Variants in WAPL observed in about 807,000 individuals in gnomAD.
WAPL encodes the protein WAPL cohesin release factor.
WAPL carries 5 observed loss-of-function variants against 121.0 expected under a neutral mutation model. The observed-to-expected ratio is 0.04, with a 90% confidence interval of 0.02 to 0.09. The LOEUF is 0.09. Ranked by LOEUF, WAPL falls within the 10% of genes least tolerant of loss-of-function variation. The pLI is 1.00. For synonymous variants in WAPL, 480 were observed against 481.5 expected (o/e 1.00, Z 0.04); for missense variants, 999 against 1,410.8 (o/e 0.71, Z 4.68).
intron 12 of WAPL, among the ~76,000 whole-genome samples, chr10:86,458,562 T>G (rs146763392): frequency 4.6e-5 from 7 of 152,354 alleles, no homozygotes; most frequent in Admixed American, 4.6e-4. Context: ...CATTAATATG[T>G]ATCACAAATG....
At chr10:86,518,941 C>T (rs1842614067) in intron 1 of WAPL, among the ~76,000 whole-genome samples, 1 of 152,168 alleles carries the variant, frequency 6.6e-6, no homozygotes, top group African/African-American at 2.4e-5. Flanking sequence ...GGGAAAGAAA[C>T]TATCCTTATC....
At chr10:86,512,831 T>C (rs1842491285) in intron 2 of WAPL, among the ~76,000 whole-genome samples, 1 of 150,602 alleles carries the variant, frequency 6.6e-6, no homozygotes, top group Non-Finnish European at 1.5e-5. Flanking sequence ...CTATTGGAGG[T>C]GGACAATCAA....
intron 12 of WAPL, among the ~76,000 whole-genome samples, chr10:86,456,664 T>C (rs1358021492): frequency 2.0e-5 from 3 of 152,354 alleles, no homozygotes; most frequent in Admixed American, 6.5e-5. Flanking sequence ...AAGTTCTTAA[T>C]ATTTTACAAC....
rs1849299627 is a variant in WAPL at position 86,435,611 on chromosome 10, A to C, written c.*1932T>G. ...TCTCCCCCACCACCTCCCCCCACCAAAATCTGCATCTCTATCAGTGCTCGA... is the reference window on the plus strand; with the variant it reads ...TCTCCCCCACCACCTCCCCCCACCACAATCTGCATCTCTATCAGTGCTCGA... On this transcript the variant is annotated 3_prime_UTR_variant, in exon 19 of 19. Transcript: ENST00000298767. The C allele has an allele frequency of 6.6e-6, 1 of 152,438 alleles. No homozygotes were observed. The highest frequency in any genetic ancestry group is 1.5e-5 in the Non-Finnish European group (1 of 67,998). The allele number at this position is 152,438 out of a possible 1,614,324, so 9.4% of individuals were successfully genotyped here.
chr10:86,461,970 G>T (rs1453648669), intron 9 of WAPL, among the ~76,000 whole-genome samples: 1 of 152,102 alleles, frequency 6.6e-6, no homozygotes, highest in East Asian at 1.9e-4. Flanking sequence ...CATACTGCGG[G>T]CTTAGCAGCT....
In WAPL at chr10:86,436,340, T is replaced by C. The variant is rs1194792478; in HGVS notation, c.*1203A>G. 1 of 151,870 alleles carries C rather than the reference T, an allele frequency of 6.6e-6. No individual in the cohort carries two copies. The highest frequency in any genetic ancestry group is 2.4e-5 in the African/African-American group (1 of 41,208). The allele number at this position is 151,870 out of a possible 1,614,324, so 9.4% of individuals were successfully genotyped here. ...CCTGAAAGGTATTTAAAAGTATTAA[T>C]GAAAAAGATCTCTAGAAAGCCTGTA... On this transcript the variant is annotated 3_prime_UTR_variant, in exon 19 of 19. Coordinates refer to ENST00000298767, the MANE Select transcript of WAPL (RefSeq NM_015045.5).
At chr10:86,513,725 A>G (rs1842508478) in intron 2 of WAPL, among the ~76,000 whole-genome samples, 1 of 152,240 alleles carries the variant, frequency 6.6e-6, no homozygotes, top group East Asian at 1.9e-4. Context: ...TTAAAAACGT[A>G]ATGCCAGGAC....
chr10:86,479,699 C>T (rs1481118791), intron 4 of WAPL, among the ~76,000 whole-genome samples: 1 of 152,212 alleles, frequency 6.6e-6, no homozygotes, highest in African/African-American at 2.4e-5. Flanking sequence ...AAGGATATCA[C>T]CAGTAATTCA....
At chr10:86,452,267 T>A in intron 14 of WAPL, 136 bp from the exon 15 acceptor site, 5 of 700,394 alleles carry the variant, frequency 7.1e-6, no homozygotes, top group South Asian at 7.2e-5. Flanking sequence ...TAAAAACCAG[T>A]ATGAAAGGCC....
chr10:86,509,561 T>C (rs1842415580), intron 2 of WAPL, among the ~76,000 whole-genome samples: 1 of 152,192 alleles, frequency 6.6e-6, no homozygotes, highest in African/African-American at 2.4e-5. Context: ...TCTTCCCCAG[T>C]ACAATGCGAG....
chr10:86,488,503 C>T (rs1841973659), intron 4 of WAPL: 1 of 152,150 alleles, frequency 6.6e-6, no homozygotes, highest in Admixed American at 6.5e-5. Flanking sequence ...TTAGCATGAC[C>T]CCTGCACAAG....
At position 86,461,343 on chromosome 10, in the gene WAPL, T is replaced by C. The variant is rs74885188; in HGVS notation, c.2371-56A>G. The C allele has an allele frequency of 5.4e-4, 766 of 1,406,644 alleles. 5 individuals carry two copies. In the East Asian group the frequency reaches 5.8e-3, roughly 11 times the overall value. The allele number at this position is 1,406,644 out of a possible 1,614,324, so 87.1% of individuals were successfully genotyped here. On this transcript the variant is annotated intron_variant, in intron 9 of 18. Transcript: ENST00000298767. ...CAACTTTTAGCAATAACTCTAGAAA[T>C]TGTTTCTCTTTACAAAAATTTACTG...
At position 86,453,700 on chromosome 10, in the gene WAPL, A is replaced by G. The variant is rs531745140; in HGVS notation, c.2789T>C (p.Met930Thr). The stretch of plus-strand genomic sequence containing the variant: ...AAGCAACACCCCGATGATGGCCCTC[A>G]TGCAGTCCTCCACTGCTTTGCCTAC... ...NHVGKAVEDC[M>T]RAIIGVLLNL... The change falls in exon 13 of 19, where the codon ATG becomes ACG. Residue 930 changes from methionine to threonine, a missense_variant. By Grantham distance (81) the Met-to-Thr change is moderately conservative. Around this residue, in one of 7 missense-constraint regions of WAPL, gnomAD observed 85 missense variants for 133.5 expected, o/e 0.64. Transcript: ENST00000298767. 3.7e-6 allele frequency: 6 copies of G among 1,612,052 alleles called. No homozygotes were observed. Among genetic ancestry groups the G allele is most frequent in the Non-Finnish European group, 5.1e-6 (6 of 1,179,566 alleles).
intron 17 of WAPL, among the ~76,000 whole-genome samples, chr10:86,442,463 T>C (rs1849493743): frequency 6.6e-6 from 1 of 152,248 alleles, no homozygotes; most frequent in Admixed American, 6.5e-5. Context: ...TCTTCCTTTT[T>C]CATGAGATTA....
At position 86,521,098 on chromosome 10, in the gene WAPL, T is replaced by C. The variant is rs574144544; in HGVS notation, c.-23+267A>G. Among the ~76,000 whole-genome samples, 10 of 152,246 alleles carry C rather than the reference T, an allele frequency of 6.6e-5. No individual in the cohort carries two copies. In the South Asian group the frequency reaches 1.4e-3, roughly 22 times the overall value. ...GGCCCCAGTGGCGGCCAGAGGCGGA[T>C]GAAACCACGGGAAAGGACTCGGGGC... is the stretch of plus-strand genomic sequence containing the variant. On this transcript the variant is annotated intron_variant, in intron 1 of 18. Transcript: ENST00000298767.
At chr10:86,492,578 C>T (rs1209210510) in intron 4 of WAPL, among the ~76,000 whole-genome samples, 1 of 152,034 alleles carries the variant, frequency 6.6e-6, no homozygotes, top group Non-Finnish European at 1.5e-5. Flanking sequence ...ACAATGCAAC[C>T]GGTGAAATAG....
In WAPL at chr10:86,482,305, A is replaced by C. The variant is rs190365305; in HGVS notation, c.1645-8332T>G. Among the ~76,000 whole-genome samples, 384 of 152,358 alleles carry C rather than the reference A, an allele frequency of 2.5e-3. 2 individuals carry two copies. The highest frequency in any genetic ancestry group is 8.8e-3 in the African/African-American group (364 of 41,578). On this transcript the variant is annotated intron_variant, in intron 4 of 18. Coordinates refer to ENST00000298767, the MANE Select transcript of WAPL (RefSeq NM_015045.5). ...TGAAAATGCATGGATACTGAAGATT[A>C]TGTGTGAATTCATGATTTCTAGATC...
chr10:86,487,536 A>T (rs1841951977), intron 4 of WAPL, among the ~76,000 whole-genome samples: 1 of 152,134 alleles, frequency 6.6e-6, no homozygotes, highest in African/African-American at 2.4e-5. Flanking sequence ...CCTGATATTA[A>T]CAACTCTATA....
chr10:86,479,778 G>A (rs934411488), intron 4 of WAPL, among the ~76,000 whole-genome samples: 1 of 152,158 alleles, frequency 6.6e-6, no homozygotes, highest in Non-Finnish European at 1.5e-5. Context: ...ATGTGTGTAT[G>A]TGTGCACAGT....
Sources: gnomAD v4.1 joint callset for allele counts (sites outside exome capture counted in the v4.1 genomes callset) on GRCh38, gnomAD v4.1.1 for gene constraint, gnomAD v4.1.1 regional missense constraint, MANE v1.5 for transcripts, NCBI Gene and HGNC (gene_info 2026-07-23, HGNC 2026-07-21) for gene names.